GABRG3: variants seen among roughly 807,000 people sequenced by gnomAD.
GABRG3 encodes gamma-aminobutyric acid type A receptor subunit gamma3, also known as gamma-aminobutyric acid receptor subunit gamma-3.
A neutral mutation model predicts 48.8 loss-of-function variants in GABRG3; 25 were observed. That is an observed-to-expected ratio of 0.51 (90% CI 0.37 to 0.72). The LOEUF (loss-of-function observed/expected upper bound fraction) is 0.72, where lower values mean the gene tolerates loss of function less well. Among genes scored for constraint, GABRG3 ranks in the 30% least tolerant of loss-of-function variants. GABRG3 has a pLI of 0.00. For synonymous variants in GABRG3, 227 were observed against 217.6 expected (o/e 1.04, Z -0.38); for missense variants, 394 against 577.9 (o/e 0.68, Z 3.26).
chr15:27,222,395 C>G (rs1193771710), intron 3 of GABRG3, among the ~76,000 whole-genome samples: 1 of 152,204 alleles, frequency 6.6e-6, no homozygotes, highest in Non-Finnish European at 1.5e-5. Context: ...TAAGTATTAC[C>G]TATAATTACT....
chr15:27,264,028 G>A (rs75436954), intron 3 of GABRG3, among the ~76,000 whole-genome samples: 9,581 of 152,178 alleles, frequency 0.063, 934 homozygotes, highest in African/African-American at 0.21. Context: ...TATAGTAGGG[G>A]ATGGGAAGGG....
intron 3 of GABRG3, among the ~76,000 whole-genome samples, chr15:27,178,184 T>C (rs1479583168): frequency 6.6e-6 from 1 of 152,234 alleles, no homozygotes; most frequent in Non-Finnish European, 1.5e-5. Context: ...TTTTGTCAAC[T>C]GTATCCAAGT....
At chr15:27,099,025 C>T (rs1897312550) in intron 3 of GABRG3, among the ~76,000 whole-genome samples, 1 of 152,186 alleles carries the variant, frequency 6.6e-6, no homozygotes, top group African/African-American at 2.4e-5. Context: ...ATGATCAAAA[C>T]TCACTTGAAT....
rs138808168 is a variant in GABRG3 at position 27,291,998 on chromosome 15, C to A, written c.271-34811C>A. On this transcript the variant is annotated intron_variant, in intron 3 of 9. Coordinates refer to ENST00000615808, the MANE Select transcript of GABRG3 (RefSeq NM_033223.5). ...CCCATAATTGTTGCTAAATAATAAC[C>A]CACTGTTCAACTCCCACTTATGAGT... Among the ~76,000 whole-genome samples the A allele has an allele frequency of 3.9e-5, 6 of 152,156 alleles. No homozygotes were observed. The East Asian group carries it at 1.2e-3, about 29-fold the overall frequency.
At position 27,533,557 on chromosome 15, in the gene GABRG3, A is replaced by G. The variant is rs909618305; in HGVS notation, c.*676A>G. 1.3e-5 allele frequency: 2 copies of G among 152,276 alleles called. No individual in the cohort carries two copies. The highest frequency in any genetic ancestry group is 4.8e-5 in the African/African-American group (2 of 41,454). The allele number at this position is 152,276 out of a possible 1,614,324, so 9.4% of individuals were successfully genotyped here. On this transcript the variant is annotated 3_prime_UTR_variant, in exon 10 of 10. Transcript: ENST00000615808. ...AATGCTCATGTTGTTGGGGTCAAAG[A>G]TGATTATCTCTGAACATCAGAAGGT...
chr15:27,141,070 C>T (rs1898093834), intron 3 of GABRG3, among the ~76,000 whole-genome samples: 1 of 151,984 alleles, frequency 6.6e-6, no homozygotes, highest in South Asian at 2.1e-4. Context: ...AGATGCCCTG[C>T]CTTAGAGGTA....
At chr15:27,022,562 C>T (rs900666486) in intron 2 of GABRG3, among the ~76,000 whole-genome samples, 33 of 152,154 alleles carry the variant, frequency 2.2e-4, no homozygotes, top group Non-Finnish European at 7.4e-5. Flanking sequence ...GAATTGATGT[C>T]GGGAACTTTC....
intron 3 of GABRG3, among the ~76,000 whole-genome samples, chr15:27,322,210 A>T (rs1412472508): frequency 1.3e-5 from 2 of 152,244 alleles, no homozygotes; most frequent in African/African-American, 4.8e-5. Flanking sequence ...AGTCAAATGT[A>T]GACACAATAA....
intron 3 of GABRG3, among the ~76,000 whole-genome samples, chr15:27,151,231 T>G (rs1046488635): frequency 1.3e-5 from 2 of 152,126 alleles, no homozygotes; most frequent in Non-Finnish European, 2.9e-5. Flanking sequence ...ACCACACACA[T>G]TTCCCTCATG....
At chr15:27,415,225 TTC>T (rs769437206) in intron 5 of GABRG3, among the ~76,000 whole-genome samples, 2 of 152,138 alleles carry the variant, frequency 1.3e-5, no homozygotes, top group South Asian at 2.1e-4. Flanking sequence ...GTTCCATTAT[TTC>T]TGTTTTTTTC....
intron 3 of GABRG3, among the ~76,000 whole-genome samples, chr15:27,254,795 T>G (rs1298492551): frequency 6.6e-6 from 1 of 152,134 alleles, no homozygotes; most frequent in Non-Finnish European, 1.5e-5. Flanking sequence ...GTCATAGCAC[T>G]GCTCTGTGGA....
At chr15:27,136,782 G>A (rs1898015756) in intron 3 of GABRG3, among the ~76,000 whole-genome samples, 2 of 152,124 alleles carry the variant, frequency 1.3e-5, no homozygotes, top group Admixed American at 1.3e-4. Context: ...CAAGGGGTAA[G>A]TCACAACATC....
At chr15:27,364,855 T>C (rs559098335) in intron 5 of GABRG3, 27 of 152,362 alleles carry the variant, frequency 1.8e-4, no homozygotes, top group African/African-American at 6.3e-4. Flanking sequence ...AGAAAGGGTA[T>C]CCTATAATAC....
chr15:27,221,338 C>T (rs561865171), intron 3 of GABRG3, among the ~76,000 whole-genome samples: 14 of 152,190 alleles, frequency 9.2e-5, no homozygotes, highest in Middle Eastern at 3.4e-3. Context: ...GCCAGTTCCC[C>T]ATGCGTTATT....
At chr15:27,215,697 C>T (rs544574168) in intron 3 of GABRG3, among the ~76,000 whole-genome samples, 1 of 152,082 alleles carries the variant, frequency 6.6e-6, no homozygotes, top group African/African-American at 2.4e-5. Context: ...GGATGAAGAC[C>T]AGGGCATTCT....
rs1005168040 is a variant in GABRG3 at position 27,538,991 on chromosome 15, A to T, written c.*6110A>T. 1.3e-5 allele frequency: 2 copies of T among 152,184 alleles called. No homozygotes were observed. Among genetic ancestry groups the T allele is most frequent in the African/African-American group, 4.8e-5 (2 of 41,444 alleles). 9.4% of individuals were successfully genotyped at this position (152,184 alleles called of 1,614,324 possible). ...TTCTCAAAATGACAACATTGTCACT[A>T]ACCACTTTTTAAAAAAGAACTGAAA... On this transcript the variant is annotated 3_prime_UTR_variant, in exon 10 of 10. Coordinates refer to ENST00000615808, the MANE Select transcript of GABRG3 (RefSeq NM_033223.5).
intron 3 of GABRG3, among the ~76,000 whole-genome samples, chr15:27,224,219 G>T (rs1038220439): frequency 6.6e-6 from 1 of 152,212 alleles, no homozygotes; most frequent in African/African-American, 2.4e-5. Flanking sequence ...CTTTCCGTGT[G>T]TGCCAGCACC....
At chr15:27,332,717 A>G (rs1315718871) in intron 5 of GABRG3, among the ~76,000 whole-genome samples, 3 of 152,226 alleles carry the variant, frequency 2.0e-5, no homozygotes, top group Non-Finnish European at 2.9e-5. Flanking sequence ...AATAAAAGTT[A>G]GGAAAACTGC....
intron 3 of GABRG3, among the ~76,000 whole-genome samples, chr15:27,306,242 C>T (rs1172837296): frequency 3.0e-5 from 4 of 132,996 alleles, no homozygotes; most frequent in African/African-American, 1.2e-4. Context: ...TATATATAAA[C>T]ATAATATAAA....
Sources: gnomAD v4.1 joint callset for allele counts (sites outside exome capture counted in the v4.1 genomes callset) on GRCh38, gnomAD v4.1.1 for gene constraint, MANE v1.5 for transcripts, NCBI Gene and HGNC (gene_info 2026-07-23, HGNC 2026-07-21) for gene names.